The following PRUNE2 variants were observed in gnomAD, a reference collection of about 807,000 sequenced individuals.
The protein encoded by PRUNE2 is prune homolog 2 with BCH domain.
In PRUNE2, 164 loss-of-function variants were observed where a neutral mutation model predicts 252.0. That is an observed-to-expected ratio of 0.65 (90% CI 0.57 to 0.74). The LOEUF (loss-of-function observed/expected upper bound fraction) is 0.74, where lower values mean the gene tolerates loss of function less well. Among genes scored for constraint, PRUNE2 ranks in the 30% least tolerant of loss-of-function variants. The probability of loss-of-function intolerance (pLI) is 0.00; values close to 1 mark genes in which losing one functional copy is unlikely to be tolerated. For missense variants in PRUNE2, 3,495 were observed against 3,711.0 expected (o/e 0.94, Z 1.51); for synonymous variants, 1,292 against 1,350.2 (o/e 0.96, Z 0.94).
rs774653587 is a variant in PRUNE2, at chr9:76,709,572, T to C, written c.2702A>G (p.Asn901Ser). The C allele has an allele frequency of 1.6e-5, 26 of 1,613,906 alleles. No homozygotes were observed. The highest frequency in any genetic ancestry group is 4.0e-5 in the African/African-American group (3 of 74,920). Residue 901 changes from asparagine to serine, a missense_variant, in exon 8 of 19, where the codon AAT becomes AGT. By Grantham distance (46) the Asn-to-Ser change is conservative. Transcript: ENST00000376718. Reference sequence around the variant, plus strand: ...CCTAGTTTTAGGATCCACTAAACCATTCTGATCTTCTTTTGGTGGCTTAGA... The same window carrying C: ...CCTAGTTTTAGGATCCACTAAACCACTCTGATCTTCTTTTGGTGGCTTAGA... ...TNSKPPKEDQ[N>S]GLVDPKTRGK...
intron 9 of PRUNE2, among the ~76,000 whole-genome samples, chr9:76,676,887 C>G (rs542888379): frequency 6.6e-6 from 1 of 152,300 alleles, no homozygotes; most frequent in Admixed American, 6.5e-5. Context: ...AAAAAGAAAG[C>G]CAGAAAAACC....
chr9:76,842,772 T>G (rs1283645720), intron 4 of PRUNE2, among the ~76,000 whole-genome samples: 2 of 152,150 alleles, frequency 1.3e-5, no homozygotes, highest in Non-Finnish European at 2.9e-5. Flanking sequence ...AAAACCACAA[T>G]GAGATATCAT....
intron 4 of PRUNE2, among the ~76,000 whole-genome samples, chr9:76,833,893 T>TG (rs1800213237): frequency 1.3e-5 from 2 of 150,582 alleles, no homozygotes; most frequent in South Asian, 2.1e-4. Context: ...TTTGTTTTTT[T>TG]TTTTTTAAGA....
chr9:76,743,715 C>T (rs1217858962), intron 6 of PRUNE2, among the ~76,000 whole-genome samples: 1 of 152,118 alleles, frequency 6.6e-6, no homozygotes, highest in East Asian at 1.9e-4. Context: ...GATTCTATTG[C>T]TAACATTGAT....
intron 6 of PRUNE2, among the ~76,000 whole-genome samples, chr9:76,790,444 T>C (rs1019077062): frequency 2.6e-5 from 4 of 152,192 alleles, no homozygotes; most frequent in African/African-American, 9.7e-5. Context: ...ACTTCTGACA[T>C]CTGTATTCTC....
At chr9:76,744,958 A>C (rs533384632) in intron 6 of PRUNE2, among the ~76,000 whole-genome samples, 360 of 152,320 alleles carry the variant, frequency 2.4e-3, no homozygotes, top group African/African-American at 8.4e-3. Context: ...CTCTAGGAGA[A>C]GGCCCAAGGT....
At chr9:76,898,080 T>G (rs2133664496) in intron 1 of PRUNE2, among the ~76,000 whole-genome samples, 1 of 152,286 alleles carries the variant, frequency 6.6e-6, no homozygotes. Context: ...GCTAAGAAAC[T>G]AAGATTGTGT....
chr9:76,813,790 T>C (rs980392782), intron 6 of PRUNE2, among the ~76,000 whole-genome samples: 17 of 152,218 alleles, frequency 1.1e-4, no homozygotes, highest in African/African-American at 3.9e-4. Flanking sequence ...GTATACTATA[T>C]ATGATATATT....
At chr9:76,694,765 AAT>A (rs1281792315) in intron 9 of PRUNE2, among the ~76,000 whole-genome samples, 2 of 152,132 alleles carry the variant, frequency 1.3e-5, no homozygotes, top group South Asian at 2.1e-4. Flanking sequence ...AGTTAAAAAA[AAT>A]TTTTTTTAAA....
chr9:76,741,544 A>C (rs894366203), intron 6 of PRUNE2, among the ~76,000 whole-genome samples: 1 of 152,230 alleles, frequency 6.6e-6, no homozygotes, highest in Admixed American at 6.5e-5. Context: ...AAAAAGAAGA[A>C]GCAGAAAAGC....
At chr9:76,841,578 C>T (rs1182723464) in intron 4 of PRUNE2, among the ~76,000 whole-genome samples, 6 of 152,318 alleles carry the variant, frequency 3.9e-5, no homozygotes, top group South Asian at 2.1e-4. Context: ...TTGAAATTCT[C>T]GCTGCCAGCA....
At chr9:76,730,077 T>A (rs1161493307) in intron 6 of PRUNE2, among the ~76,000 whole-genome samples, 1 of 152,250 alleles carries the variant, frequency 6.6e-6, no homozygotes, top group African/African-American at 2.4e-5. Context: ...TTCAAGATTG[T>A]GTAATTATAT....
intron 1 of PRUNE2, among the ~76,000 whole-genome samples, chr9:76,861,905 C>T (rs183228175): frequency 1.4e-3 from 207 of 152,070 alleles, no homozygotes; most frequent in Non-Finnish European, 2.0e-3. Context: ...GGATGAGCCC[C>T]GCAAATCTTT....
At chr9:76,801,717 T>C (rs528426587) in intron 6 of PRUNE2, among the ~76,000 whole-genome samples, 1 of 152,326 alleles carries the variant, frequency 6.6e-6, no homozygotes, top group African/African-American at 2.4e-5. Flanking sequence ...CAGAGCATTC[T>C]CTGCTATTTT....
Position 76,854,106 on chromosome 9 carries a change from T to G in PRUNE2, c.139A>C (p.Lys47Gln), listed in dbSNP as rs766785192. 3.9e-6 allele frequency: 6 copies of G among 1,544,916 alleles called. No individual in the cohort carries two copies. Among genetic ancestry groups the G allele is most frequent in the Non-Finnish European group, 5.3e-6 (6 of 1,123,458 alleles). ...AGTATTACCCTTTTTTCCCTCACCT[T>G]GTCTAGAAAGTAAGCATATGTGAAG... ...STFTYAYFLD[K>Q]VSPPGVLCLP... Residue 47 changes from lysine to glutamine, a missense_variant and splice_region_variant, in exon 2 of 19, where the codon AAG becomes CAG. Physicochemically the swap from Lys to Gln is moderately conservative, Grantham distance 53. Transcript: ENST00000376718.
intron 18 of PRUNE2, among the ~76,000 whole-genome samples, chr9:76,616,203 G>A (rs950745430): frequency 2.6e-5 from 4 of 152,138 alleles, no homozygotes; most frequent in African/African-American, 9.7e-5. Flanking sequence ...TTTCTTACCT[G>A]CAGAGTTTGC....
At chr9:76,792,915 G>T (rs1251217769) in intron 6 of PRUNE2, among the ~76,000 whole-genome samples, 1 of 152,204 alleles carries the variant, frequency 6.6e-6, no homozygotes, top group African/African-American at 2.4e-5. Context: ...TGATATGCTA[G>T]CAAGGTACTT....
At chr9:76,805,616 C>T (rs1303047344) in intron 6 of PRUNE2, among the ~76,000 whole-genome samples, 1 of 152,116 alleles carries the variant, frequency 6.6e-6, no homozygotes, top group Non-Finnish European at 1.5e-5. Flanking sequence ...AAAAATAAAA[C>T]ATAAAAATTC....
At chr9:76,722,221 G>A (rs1463922978) in intron 6 of PRUNE2, among the ~76,000 whole-genome samples, 1 of 139,134 alleles carries the variant, frequency 7.2e-6, no homozygotes, top group African/African-American at 3.0e-5. Flanking sequence ...ACCACACCCT[G>A]CTATTTTTTT....
Sources: allele counts gnomAD v4.1 joint callset (sites outside exome capture counted in the v4.1 genomes callset), GRCh38; gene constraint gnomAD v4.1.1; transcripts MANE v1.5; gene names NCBI Gene and HGNC (gene_info 2026-07-23, HGNC 2026-07-21).